SHE: variants seen among roughly 807,000 people sequenced by gnomAD.
SHE encodes the protein Src homology 2 domain containing E.
Under a neutral mutation model 49.8 loss-of-function variants are expected in SHE, and 11 were observed. That is an observed-to-expected ratio of 0.22 (90% CI 0.14 to 0.37). The LOEUF is 0.37. Among genes scored for constraint, SHE ranks in the 10% least tolerant of loss-of-function variants. The probability of loss-of-function intolerance (pLI) is 1.00; values close to 1 mark genes in which losing one functional copy is unlikely to be tolerated. For missense variants in SHE, 624 were observed against 655.5 expected, an observed-to-expected ratio of 0.95 and a Z score of 0.52; for synonymous variants, 310 against 278.1, an observed-to-expected ratio of 1.11 and a Z score of -1.14.
intron 1 of SHE, among the ~76,000 whole-genome samples, chr1:154,473,848 C>T (rs1304156096): frequency 6.6e-6 from 1 of 152,086 alleles, no homozygotes; most frequent in Non-Finnish European, 1.5e-5. Context: ...CATTTACTGC[C>T]TCTCCACCAT....
chr1:154,501,887 A>C lies in SHE; in HGVS notation c.140T>G (p.Leu47Arg), dbSNP rs1692782399. Residue 47 changes from leucine (L) to arginine (R), a missense_variant, in exon 1 of 6, where the codon CTG becomes CGG. This residue lies in a region of SHE where 337 missense variants were observed against 306.0 expected (regional missense o/e 1.10). Coordinates refer to ENST00000304760, the MANE Select transcript of SHE (RefSeq NM_001010846.3). ...CCGCTCCGACACGGTCTTCAGGTTC[A>C]GGGGGAACTCCTTGAACCACTTGGC... ...MAAKWFKEFP[L>R]NLKTVSERAK... 1 of 1,530,064 alleles carries C rather than the reference A, an allele frequency of 6.5e-7. No homozygotes were observed. Among genetic ancestry groups the C allele is most frequent in the Non-Finnish European group, 8.7e-7 (1 of 1,145,556 alleles). 94.8% of individuals were successfully genotyped at this position (1,530,064 alleles called of 1,614,324 possible). A position where few individuals can be genotyped will look rare whatever the true frequency, so the allele number is the denominator to read the frequency against.
rs1691998772 is a variant in SHE, at chr1:154,480,817, A to G, written c.*3332T>C. 2 of 985,296 alleles carry G rather than the reference A, an allele frequency of 2.0e-6. No individual in the cohort carries two copies. The highest frequency in any genetic ancestry group is 3.5e-5 in the African/African-American group (2 of 57,224). 61.0% of individuals were successfully genotyped at this position (985,296 alleles called of 1,614,324 possible). A position where few individuals can be genotyped will look rare whatever the true frequency, so the allele number is the denominator to read the frequency against. On this transcript the variant is annotated 3_prime_UTR_variant, in exon 6 of 6. Transcript: ENST00000304760. ...TGGTTTGCAGGCCATCCTGAGATAC[A>G]ACTATGGTATCAAAGTAAATAGCAA...
intron 1 of SHE, among the ~76,000 whole-genome samples, chr1:154,472,162 T>C (rs1466540078): frequency 6.6e-6 from 1 of 152,180 alleles, no homozygotes; most frequent in African/African-American, 2.4e-5. Context: ...AGAGCAACTT[T>C]ATTCTATTTT....
chr1:154,481,530 C>T lies in SHE; in HGVS notation c.*2619G>A. 5.1e-6 allele frequency: 5 copies of T among 985,396 alleles called. No homozygotes were observed. Among genetic ancestry groups the T allele is most frequent in the Non-Finnish European group, 6.0e-6 (5 of 829,936 alleles). 61.0% of individuals were successfully genotyped at this position (985,396 alleles called of 1,614,324 possible). The stretch of plus-strand genomic sequence containing the variant: ...GTTTTCAAGATGTTATTTCATTATA[C>T]ATTCATCACAGTTGCTGGGTATGGG... On this transcript the variant is annotated 3_prime_UTR_variant, in exon 6 of 6. Transcript: ENST00000304760.
chr1:154,495,580 A>G (rs930026131), intron 2 of SHE, among the ~76,000 whole-genome samples: 1 of 152,060 alleles, frequency 6.6e-6, no homozygotes, highest in Non-Finnish European at 1.5e-5. Flanking sequence ...GCTGGCTCCT[A>G]TTCTCAACTT....
chr1:154,501,672 C>A lies in SHE; in HGVS notation c.355G>T (p.Gly119Cys), dbSNP rs1195881291. 6.2e-7 allele frequency: 1 copy of A among 1,613,654 alleles called. No individual in the cohort carries two copies. Among genetic ancestry groups the A allele is most frequent in the Non-Finnish European group, 8.5e-7 (1 of 1,179,912 alleles). ...QGLIQAAAGK[G>C]RKNSRATEEE... Reference sequence around the variant, plus strand: ...TCCGTGGCCCGGGAGTTTTTGCGGCCCTTGCCCGCGGCGGCCTGAATCAGA... The same window carrying A: ...TCCGTGGCCCGGGAGTTTTTGCGGCACTTGCCCGCGGCGGCCTGAATCAGA... Residue 119 changes from glycine (G) to cysteine (C), a missense_variant, in exon 1 of 6, where the codon GGC (glycine) becomes TGC (cysteine). By Grantham distance (159) the Gly-to-Cys change is radical. Transcript: ENST00000304760.
chr1:154,502,340 C>A lies in SHE; in HGVS notation c.-314G>T, dbSNP rs1692824226. 1 of 169,888 alleles carries A rather than the reference C, an allele frequency of 5.9e-6. No individual in the cohort carries two copies. The highest frequency in any genetic ancestry group is 2.4e-5 in the African/African-American group (1 of 42,154). The allele number at this position is 169,888 out of a possible 1,614,324, so 10.5% of individuals were successfully genotyped here. On this transcript the variant is annotated 5_prime_UTR_variant, in exon 1 of 6. Coordinates refer to ENST00000304760, the MANE Select transcript of SHE (RefSeq NM_001010846.3). ...CCAGGCCCACGGAAGCCCCCTGCGG[C>A]CCAGCCCACGCTCCCAGGGACCAGA...
intron 2 of SHE, among the ~76,000 whole-genome samples, chr1:154,489,983 C>T (rs1275077031): frequency 6.6e-6 from 1 of 152,138 alleles, no homozygotes; most frequent in Non-Finnish European, 1.5e-5. Context: ...GTATGTGACT[C>T]GAAGTACAAT....
chr1:154,493,133 C>A (rs1692419379), intron 2 of SHE, among the ~76,000 whole-genome samples: 1 of 152,218 alleles, frequency 6.6e-6, no homozygotes, highest in Non-Finnish European at 1.5e-5. Context: ...CTGGGAGATA[C>A]ACAAAGCATG....
intron 3 of SHE, among the ~76,000 whole-genome samples, chr1:154,487,707 G>A (rs977533971): frequency 2.0e-5 from 3 of 151,600 alleles, no homozygotes; most frequent in African/African-American, 7.3e-5. Context: ...AGAATAATCC[G>A]GGAGTGGTGG....
At chr1:154,494,044 C>T (rs1692449859) in intron 2 of SHE, among the ~76,000 whole-genome samples, 1 of 152,158 alleles carries the variant, frequency 6.6e-6, no homozygotes, top group South Asian at 2.1e-4. Flanking sequence ...AAATAATGTG[C>T]CTTTTCCCCT....
chr1:154,476,939 T>C (rs1219270667), downstream of SHE, among the ~76,000 whole-genome samples: 1 of 152,238 alleles, frequency 6.6e-6, no homozygotes, highest in Non-Finnish European at 1.5e-5. Context: ...CAGTGATTCA[T>C]ACTACATGAT....
At chr1:154,494,888 C>T (rs1424324618) in intron 2 of SHE, among the ~76,000 whole-genome samples, 2 of 152,104 alleles carry the variant, frequency 1.3e-5, no homozygotes, top group African/African-American at 4.8e-5. Context: ...CCCGTCTCTA[C>T]TAAAAATACG....
intron 2 of SHE, among the ~76,000 whole-genome samples, chr1:154,491,322 A>G (rs1461731764): frequency 6.6e-6 from 1 of 152,034 alleles, no homozygotes; most frequent in Non-Finnish European, 1.5e-5. Context: ...TCTCAACACT[A>G]CCCTGCCCCA....
chr1:154,480,327 A>G lies in SHE; in HGVS notation c.*3822T>C. On this transcript the variant is annotated 3_prime_UTR_variant, in exon 6 of 6. Transcript: ENST00000304760. ...TCCCTAAACCCTGGAAGGAGGGAGAAACAAGGGGCTAACCTTTGACTGAAA... is the reference window on the plus strand; with the variant it reads ...TCCCTAAACCCTGGAAGGAGGGAGAGACAAGGGGCTAACCTTTGACTGAAA... 1 of 985,444 alleles carries G rather than the reference A, an allele frequency of 1.0e-6. No homozygotes were observed. The highest frequency in any genetic ancestry group is 1.2e-6 in the Non-Finnish European group (1 of 829,922). 61.0% of individuals were successfully genotyped at this position (985,444 alleles called of 1,614,324 possible).
chr1:154,494,475 G>C (rs974088021), intron 2 of SHE, among the ~76,000 whole-genome samples: 9 of 145,350 alleles, frequency 6.2e-5, no homozygotes, highest in Non-Finnish European at 1.2e-4. Flanking sequence ...TGGCCTCCCA[G>C]AGTGCTAGGA....
intron 3 of SHE, among the ~76,000 whole-genome samples, chr1:154,487,098 C>T (rs963512995): frequency 6.6e-6 from 1 of 151,876 alleles, no homozygotes; most frequent in Non-Finnish European, 1.5e-5. Flanking sequence ...CTGGTGAAAC[C>T]CCATCTCTAC....
chr1:154,489,345 G>A lies in SHE; in HGVS notation c.730C>T (p.Arg244Trp), dbSNP rs781262596. ...AQQMITEIRRRGSKDPLVKAL... is the reference protein window; with the variant it reads ...AQQMITEIRRWGSKDPLVKAL... Reference sequence around the variant, plus strand: ...TTCACCAGGGGATCTTTGGAACCCCGTCGTCTAATTTCTGAAAAACACACA... The same window carrying A: ...TTCACCAGGGGATCTTTGGAACCCCATCGTCTAATTTCTGAAAAACACACA... The change falls in exon 3 of 6, where the codon CGG becomes TGG. Residue 244 changes from arginine (R) to tryptophan (W), a missense_variant. Physicochemically the swap from Arg to Trp is moderately radical, Grantham distance 101 (BLOSUM62 -3). Coordinates refer to ENST00000304760, the MANE Select transcript of SHE (RefSeq NM_001010846.3). 30 of 1,612,482 alleles carry A rather than the reference G, an allele frequency of 1.9e-5. No homozygotes were observed. Among genetic ancestry groups the A allele is most frequent in the Non-Finnish European group, 2.4e-5 (28 of 1,179,362 alleles).
Position 154,480,091 on chromosome 1 carries a change from G to A in SHE, c.*4058C>T, listed in dbSNP as rs1215132806. 1.0e-6 allele frequency: 1 copy of A among 985,376 alleles called. No individual in the cohort carries two copies. The highest frequency in any genetic ancestry group is 1.2e-6 in the Non-Finnish European group (1 of 829,952). The allele number at this position is 985,376 out of a possible 1,614,324, so 61.0% of individuals were successfully genotyped here. A position where few individuals can be genotyped will look rare whatever the true frequency, so the allele number is the denominator to read the frequency against. The stretch of plus-strand genomic sequence containing the variant: ...GAACAGAAGGCCCACTGCACAGCAG[G>A]CCAAGTTTCTCTAGTCCACGTTAGT... On this transcript the variant is annotated 3_prime_UTR_variant, in exon 6 of 6. Coordinates refer to ENST00000304760, the MANE Select transcript of SHE (RefSeq NM_001010846.3).
Sources: allele counts gnomAD v4.1 joint callset (sites outside exome capture counted in the v4.1 genomes callset), GRCh38; gene constraint gnomAD v4.1.1; regional missense constraint gnomAD v4.1.1; transcripts MANE v1.5; gene names NCBI Gene and HGNC (gene_info 2026-07-23, HGNC 2026-07-21).